Variants in STX4 observed in about 807,000 individuals in gnomAD.
STX4 encodes syntaxin 4.
Under a neutral mutation model 41.8 loss-of-function variants are expected in STX4, and 24 were observed. That is an observed-to-expected ratio of 0.57 (90% CI 0.42 to 0.81). The LOEUF is 0.81. Among genes scored for constraint, STX4 ranks in the 30% least tolerant of loss-of-function variants. The pLI, the probability that STX4 is intolerant of heterozygous loss-of-function variation, is 0.00. For synonymous variants in STX4, 158 were observed against 156.4 expected (o/e 1.01, Z -0.08); for missense variants, 316 against 389.9 (o/e 0.81, Z 1.60).
chr16:31,038,160 C>T lies in STX4; in HGVS notation c.534C>T (p.Asp178=). 1 of 1,614,144 alleles carries T rather than the reference C, an allele frequency of 6.2e-7. No homozygotes were observed. The highest frequency in any genetic ancestry group is 8.5e-7 in the Non-Finnish European group (1 of 1,180,028). The change falls in exon 7 of 11, where the codon GAC becomes GAT. Residue 178 remains aspartate (D), a synonymous_variant. Coordinates refer to ENST00000313843, the MANE Select transcript of STX4 (RefSeq NM_004604.5). ...VSDEELEQML[D]SGQSEVFVSN... is the part of the protein sequence containing the mutation. ...ATGAGGAGTTGGAGCAGATGCTGGA[C>T]AGTGGGCAAAGCGAGGTGTTTGTGT...
Position 31,033,934 on chromosome 16 carries a change from G to T in STX4, c.31-79G>T. 1.4e-6 allele frequency: 2 copies of T among 1,464,228 alleles called. No individual in the cohort carries two copies. The highest frequency in any genetic ancestry group is 9.1e-7 in the Non-Finnish European group (1 of 1,104,180). 90.7% of individuals were successfully genotyped at this position (1,464,228 alleles called of 1,614,324 possible). On this transcript the variant is annotated intron_variant, in intron 1 of 10. Transcript: ENST00000313843. The surrounding 1 kb of genome is among the most constrained non-coding windows in gnomAD (Gnocchi z 5.5). ...GGAGGGGTGGCTGATGGCCAGGAAG[G>T]AAAGTCCCGGAAGCCTGTGGGTCCT...
At chr16:31,038,248 C>T in intron 7 of STX4, 58 bp downstream of exon 7, 1 of 1,599,588 alleles carries the variant, frequency 6.3e-7, no homozygotes, top group Non-Finnish European at 8.5e-7. Flanking sequence ...TGAGTCCTGT[C>T]CGTTTCTCGA....
In STX4 at chr16:31,034,320, A is replaced by G. The variant is rs930533328; in HGVS notation, c.227A>G (p.Glu76Gly). ...QVTILATPLP[E>G]ESMKQELQNL... ...ACCATCCTGGCCACGCCCCTTCCCGAGGAGAGTGAGTGAAACCCCGGCTGC... is the reference window on the plus strand; with the variant it reads ...ACCATCCTGGCCACGCCCCTTCCCGGGGAGAGTGAGTGAAACCCCGGCTGC... The change falls in exon 3 of 11, where the codon GAG becomes GGG. Residue 76 changes from glutamate to glycine, a missense_variant. By Grantham distance (98) the Glu-to-Gly change is moderately conservative (BLOSUM62 -2). Transcript: ENST00000313843. 6.2e-7 allele frequency: 1 copy of G among 1,614,118 alleles called. No homozygotes were observed. The highest frequency in any genetic ancestry group is 8.5e-7 in the Non-Finnish European group (1 of 1,180,010).
intron 7 of STX4, among the ~76,000 whole-genome samples, 159 bp from the exon 8 acceptor site, chr16:31,038,351 C>T (rs2056819004): frequency 6.6e-6 from 1 of 152,102 alleles, no homozygotes; most frequent in South Asian, 2.1e-4. Flanking sequence ...GTGGCCCTTT[C>T]TGATTAAGGG....
chr16:31,038,732 G>A (rs2056822511), intron 8 of STX4, 85 bp downstream of exon 8: 10 of 1,539,622 alleles, frequency 6.5e-6, no homozygotes, highest in Non-Finnish European at 8.8e-6. Context: ...CTCTCCCTGA[G>A]GCTTTTGTGT....
chr16:31,035,082 T>C (rs1398291851), intron 5 of STX4, 42 bp downstream of exon 5: 1 of 1,525,944 alleles, frequency 6.6e-7, no homozygotes, highest in African/African-American at 1.4e-5. Flanking sequence ...TCAGCAAATG[T>C]TTCATGAAGT....
At chr16:31,036,744 AG>A (rs1239596005) in intron 5 of STX4, among the ~76,000 whole-genome samples, 7 of 152,192 alleles carry the variant, frequency 4.6e-5, no homozygotes, top group Non-Finnish European at 1.0e-4. Flanking sequence ...TTCATTCAGA[AG>A]GTAACATCTG....
At chr16:31,033,466 G>C, upstream of STX4, 1 of 1,548,972 alleles carries the variant, frequency 6.5e-7, no homozygotes, top group Non-Finnish European at 8.7e-7. The surrounding 1 kb of genome is among the most constrained non-coding windows in gnomAD (Gnocchi z 5.5). Context: ...TCCGCTCGGG[G>C]CGCAACAACT....
At chr16:31,038,679 C>A (rs2056822028) in intron 8 of STX4, 32 bp downstream of exon 8, 1 of 1,607,590 alleles carries the variant, frequency 6.2e-7, no homozygotes, top group Non-Finnish European at 8.5e-7. Context: ...AGACGTGAGA[C>A]CAGGCTCAGT....
chr16:31,034,359 C>T (rs748692482), intron 3 of STX4, 34 bp downstream of exon 3: 4 of 1,613,194 alleles, frequency 2.5e-6, no homozygotes, highest in Admixed American at 1.7e-5. Flanking sequence ...GCGCATGCTC[C>T]GCCCCAGGGA....
At chr16:31,036,295 A>G (rs2056799101) in intron 5 of STX4, among the ~76,000 whole-genome samples, 1 of 152,046 alleles carries the variant, frequency 6.6e-6, no homozygotes, top group South Asian at 2.1e-4. Flanking sequence ...CCAAGGAATG[A>G]GCATATTTAA....
At position 31,034,105 on chromosome 16, in the gene STX4, C is replaced by A. The variant is rs1189207190; in HGVS notation, c.123C>A (p.Phe41Leu). The change falls in exon 2 of 11, where the codon TTC becomes TTA. Residue 41 changes from phenylalanine (F) to leucine (L), a missense_variant. Transcript: ENST00000313843. The part of the protein sequence containing the change: ...TARLGSPDEE[F>L]FHKVRTIRQT... ...GGCTGGGGAGCCCGGACGAGGAGTT[C>A]TTCCACAAGGTAAGGGGCTGGGGTC... The A allele has an allele frequency of 3.1e-6, 5 of 1,608,676 alleles. No homozygotes were observed. Among genetic ancestry groups the A allele is most frequent in the South Asian group, 1.1e-5 (1 of 90,652 alleles).
chr16:31,033,782 CG>C lies in STX4; in HGVS notation c.-20del. On this transcript the variant is annotated 5_prime_UTR_variant, in exon 1 of 11. Coordinates refer to ENST00000313843, the MANE Select transcript of STX4 (RefSeq NM_004604.5). This position sits in a 1 kb window ranked among gnomAD's most constrained non-coding sequence, Gnocchi z 5.5. ...TTTGAGGGCCTCCCGGCTCTGGCGC[CG>C]GGGAGGGAGAGCTCAGGCCGCCATG... 6.9e-7 allele frequency: 1 copy of C among 1,450,224 alleles called. No individual in the cohort carries two copies. The highest frequency in any genetic ancestry group is 9.1e-7 in the Non-Finnish European group (1 of 1,099,304). The allele number at this position is 1,450,224 out of a possible 1,614,324, so 89.8% of individuals were successfully genotyped here.
In STX4 at chr16:31,034,242, A is replaced by G; in HGVS notation, c.149A>G (p.Gln50Arg). The G allele has an allele frequency of 6.2e-7, 1 of 1,614,178 alleles. No individual in the cohort carries two copies. The highest frequency in any genetic ancestry group is 8.5e-7 in the Non-Finnish European group (1 of 1,180,030). ...EFFHKVRTIRQTIVKLGNKVQ... is the reference protein window; with the variant it reads ...EFFHKVRTIRRTIVKLGNKVQ... Reference sequence around the variant, plus strand: ...CCTCCCCAGGTCCGGACAATTCGGCAGACTATTGTCAAACTGGGGAATAAA... The same window carrying G: ...CCTCCCCAGGTCCGGACAATTCGGCGGACTATTGTCAAACTGGGGAATAAA... The change falls in exon 3 of 11, where the codon CAG (glutamine) becomes CGG (arginine). Residue 50 changes from glutamine (Q) to arginine (R), a missense_variant. Transcript: ENST00000313843.
At chr16:31,038,270 C>G in intron 7 of STX4, 80 bp downstream of exon 7, 2 of 1,552,732 alleles carry the variant, frequency 1.3e-6, no homozygotes, top group Non-Finnish European at 1.8e-6. Flanking sequence ...CTCCTGGGCT[C>G]AGGTGATCCT....
chr16:31,038,278 C>A, intron 7 of STX4, 88 bp downstream of exon 7: 1 of 1,521,038 alleles, frequency 6.6e-7, no homozygotes, highest in Non-Finnish European at 9.0e-7. Flanking sequence ...CTCAGGTGAT[C>A]CTCCTGCCTC....
chr16:31,033,769 C>T lies in STX4; in HGVS notation c.-37C>T, dbSNP rs1304241579. 1.4e-6 allele frequency: 2 copies of T among 1,450,090 alleles called. No homozygotes were observed. The allele number at this position is 1,450,090 out of a possible 1,614,324, so 89.8% of individuals were successfully genotyped here. A position where few individuals can be genotyped will look rare whatever the true frequency, so the allele number is the denominator to read the frequency against. On this transcript the variant is annotated 5_prime_UTR_variant, in exon 1 of 11. Coordinates refer to ENST00000313843, the MANE Select transcript of STX4 (RefSeq NM_004604.5). The surrounding 1 kb of genome is among the most constrained non-coding windows in gnomAD (Gnocchi z 5.5). The stretch of plus-strand genomic sequence containing the variant: ...CGGGAATTCCAAATTTGAGGGCCTC[C>T]CGGCTCTGGCGCCGGGGAGGGAGAG...
In STX4 at chr16:31,039,953, C is replaced by A; in HGVS notation, c.*57C>A. 4.5e-6 allele frequency: 4 copies of A among 884,786 alleles called. No homozygotes were observed. The South Asian group carries it at 6.2e-5, about 14-fold the overall frequency. 54.8% of individuals were successfully genotyped at this position (884,786 alleles called of 1,614,324 possible). On this transcript the variant is annotated 3_prime_UTR_variant, in exon 11 of 11. Coordinates refer to ENST00000313843, the MANE Select transcript of STX4 (RefSeq NM_004604.5). This position sits in a 1 kb window ranked among gnomAD's most constrained non-coding sequence, Gnocchi z 4.1. Reference sequence around the variant, plus strand: ...GAACCCAGGGCCTGGCCTTCTCTCCCAGCAGCCTGGGGGGCAGGGCAGAGC... The same window carrying A: ...GAACCCAGGGCCTGGCCTTCTCTCCAAGCAGCCTGGGGGGCAGGGCAGAGC...
rs1418441307 is a variant in STX4 at position 31,038,919 on chromosome 16, CTA to C, written c.702+273_702+274del. Among the ~76,000 whole-genome samples the C allele has an allele frequency of 1.3e-5, 2 of 152,128 alleles. 1 individual carries two copies. On this transcript the variant is annotated intron_variant, in intron 8 of 10. Coordinates refer to ENST00000313843, the MANE Select transcript of STX4 (RefSeq NM_004604.5). ...GGCCCCAGCCCTCACTCCCCCTCCA[CTA>C]ACAGCATCCACCCTTATACCTCTCA... is the stretch of plus-strand genomic sequence containing the variant.
Sources: gnomAD v4.1 joint callset for allele counts (sites outside exome capture counted in the v4.1 genomes callset) on GRCh38, gnomAD v4.1.1 for gene constraint, Gnocchi (gnomAD v3.1) non-coding constraint, MANE v1.5 for transcripts, NCBI Gene and HGNC (gene_info 2026-07-23, HGNC 2026-07-21) for gene names.